PRMT3: variants seen among roughly 807,000 people sequenced by gnomAD.
The protein encoded by PRMT3 is protein arginine N-methyltransferase 3.
Under a neutral mutation model 71.9 loss-of-function variants are expected in PRMT3, and 62 were observed. The observed-to-expected ratio is 0.86, with a 90% CI of 0.70 to 1.07. The LOEUF is 1.07. Among genes scored for constraint, PRMT3 ranks in the 50% least tolerant of loss-of-function variants. The pLI, the probability that PRMT3 is intolerant of heterozygous loss-of-function variation, is 0.00. For synonymous variants in PRMT3, 213 were observed against 220.4 expected (o/e 0.97, Z 0.30); for missense variants, 663 against 643.0 (o/e 1.03, Z -0.34).
At chr11:20,424,054 G>T (rs1300018404) in intron 9 of PRMT3, among the ~76,000 whole-genome samples, 1 of 151,448 alleles carries the variant, frequency 6.6e-6, no homozygotes, top group East Asian at 1.9e-4. Context: ...TGTGGTGGCG[G>T]GCGCCTGTAG....
intron 10 of PRMT3, among the ~76,000 whole-genome samples, chr11:20,431,667 T>C (rs1252431237): frequency 6.6e-6 from 1 of 152,176 alleles, no homozygotes; most frequent in African/African-American, 2.4e-5. Flanking sequence ...CATTTACTAA[T>C]TGACTGTCTG....
chr11:20,456,330 CAG>C, intron 11 of PRMT3, among the ~76,000 whole-genome samples: 1 of 152,262 alleles, frequency 6.6e-6, no homozygotes, highest in Non-Finnish European at 1.5e-5. Flanking sequence ...CAAGGTCACA[CAG>C]AATTTTCCTT....
intron 11 of PRMT3, 79 bp downstream of exon 11, chr11:20,452,287 A>G (rs1224373977): frequency 2.6e-6 from 3 of 1,155,498 alleles, no homozygotes; most frequent in Admixed American, 3.7e-5. Flanking sequence ...CAAATAAACT[A>G]TGCATGGCTG....
At chr11:20,408,414 A>G (rs149773577) in intron 9 of PRMT3, among the ~76,000 whole-genome samples, 109 of 152,270 alleles carry the variant, frequency 7.2e-4, no homozygotes, top group African/African-American at 2.5e-3. Flanking sequence ...AATACCAGTT[A>G]TACTAAAGAC....
Position 20,395,981 on chromosome 11 carries a change from A to G in PRMT3, c.560+19A>G, listed in dbSNP as rs747659421. On this transcript the variant is annotated intron_variant, in intron 6 of 15. Transcript: ENST00000331079. ...AAATGAAGTAATTTATCAATCTTGC[A>G]AAATTAATTGTTTTAGATCTCCAGA... The G allele has an allele frequency of 2.5e-6, 4 of 1,610,950 alleles. No homozygotes were observed. Among genetic ancestry groups the G allele is most frequent in the Non-Finnish European group, 3.4e-6 (4 of 1,178,600 alleles).
chr11:20,417,394 A>G (rs1849330884), intron 9 of PRMT3, among the ~76,000 whole-genome samples: 1 of 152,174 alleles, frequency 6.6e-6, no homozygotes, highest in Non-Finnish European at 1.5e-5. Flanking sequence ...GCTATCATCC[A>G]TATATTCTAG....
At chr11:20,494,593 T>C (rs1294225826) in intron 15 of PRMT3, among the ~76,000 whole-genome samples, 1 of 152,190 alleles carries the variant, frequency 6.6e-6, no homozygotes, top group Admixed American at 6.5e-5. Flanking sequence ...CCCAAAGTGC[T>C]GGGATTGCAG....
Position 20,397,580 on chromosome 11 carries a change from A to G in PRMT3, c.564A>G (p.Gln188=), listed in dbSNP as rs747641099. 17 of 1,613,820 alleles carry G rather than the reference A, an allele frequency of 1.1e-5. No individual in the cohort carries two copies. The highest frequency in any genetic ancestry group is 1.4e-5 in the Non-Finnish European group (17 of 1,179,952). The part of the protein sequence containing the change: ...RAREDLQKMK[Q]FAQDFVMHTD... ...GTGTATTTCAAATTGATTACAGACA[A>G]TTTGCTCAGGATTTTGTGATGCACA... is the stretch of plus-strand genomic sequence containing the variant. Residue 188 remains glutamine (Q), a synonymous_variant, in exon 7 of 16, where the codon CAA becomes CAG. Coordinates refer to ENST00000331079, the MANE Select transcript of PRMT3 (RefSeq NM_005788.4).
At chr11:20,488,311 C>CATCTCCTT (rs1565235484) in intron 13 of PRMT3, among the ~76,000 whole-genome samples, 4 of 152,084 alleles carry the variant, frequency 2.6e-5, no homozygotes, top group African/African-American at 9.7e-5. Flanking sequence ...TTTGTATTTT[C>CATCTCCTT]ATCTCCTTGG....
chr11:20,503,454 ATAGATT>A (rs150472510), intron 15 of PRMT3, among the ~76,000 whole-genome samples: 1 of 152,292 alleles, frequency 6.6e-6, no homozygotes, highest in Non-Finnish European at 1.5e-5. Flanking sequence ...CTGTGGAAAT[ATAGATT>A]ATTTCCATCA....
At chr11:20,404,784 G>A (rs1217837990) in intron 8 of PRMT3, among the ~76,000 whole-genome samples, 1 of 152,164 alleles carries the variant, frequency 6.6e-6, no homozygotes, top group African/African-American at 2.4e-5. Context: ...ATCTCTTTGG[G>A]CCTAACCTGT....
intron 15 of PRMT3, among the ~76,000 whole-genome samples, chr11:20,504,929 T>C (rs935495390): frequency 5.3e-5 from 8 of 152,224 alleles, no homozygotes; most frequent in Admixed American, 3.3e-4. Flanking sequence ...GACAGAGTTT[T>C]GCCAGGTTGG....
In PRMT3 at chr11:20,452,203, G is replaced by T. The variant is rs762915485; in HGVS notation, c.1067G>T (p.Gly356Val). 2 of 1,599,014 alleles carry T rather than the reference G, an allele frequency of 1.3e-6. No individual in the cohort carries two copies. The highest frequency in any genetic ancestry group is 1.7e-6 in the Non-Finnish European group (2 of 1,166,816). Residue 356 changes from glycine to valine, a missense_variant, in exon 11 of 16, where the codon GGC becomes GTC. By Grantham distance (109) the Gly-to-Val change is moderately radical (BLOSUM62 -3). Transcript: ENST00000331079. ...YAKNKYLAKG[G>V]SVYPDICTIS... The stretch of plus-strand genomic sequence containing the variant: ...AAGAACAAATACTTGGCAAAAGGAG[G>T]CTCGGGTGAGTATAAAATTCTGGTT...
intron 13 of PRMT3, among the ~76,000 whole-genome samples, chr11:20,474,165 G>A (rs1850721373): frequency 6.6e-6 from 1 of 152,174 alleles, no homozygotes; most frequent in Admixed American, 6.5e-5. Flanking sequence ...TAGCAGGAGT[G>A]GGATCAGGGA....
At chr11:20,415,645 T>C (rs980408649) in intron 9 of PRMT3, among the ~76,000 whole-genome samples, 5 of 150,624 alleles carry the variant, frequency 3.3e-5, no homozygotes, top group Admixed American at 6.7e-5. Context: ...AGACTGTAGT[T>C]CTCAAAGCTA....
chr11:20,441,529 G>A (rs965130969), intron 10 of PRMT3, among the ~76,000 whole-genome samples: 1 of 151,514 alleles, frequency 6.6e-6, no homozygotes. Context: ...GGATGGTCTC[G>A]ATCTCCTGAC....
intron 13 of PRMT3, among the ~76,000 whole-genome samples, chr11:20,470,971 G>A (rs1220176822): frequency 3.3e-5 from 5 of 151,912 alleles, no homozygotes; most frequent in East Asian, 1.9e-4. Flanking sequence ...TTTGATTTAC[G>A]TTTCTCTAAT....
intron 13 of PRMT3, among the ~76,000 whole-genome samples, chr11:20,476,116 G>A (rs1346846083): frequency 2.6e-5 from 4 of 151,870 alleles, no homozygotes; most frequent in African/African-American, 7.3e-5. Context: ...TTGGGAGGCC[G>A]AGGCGAGTGG....
chr11:20,393,137 A>G, intron 5 of PRMT3, 138 bp downstream of exon 5: 3 of 645,260 alleles, frequency 4.6e-6, no homozygotes, highest in South Asian at 2.0e-5. Flanking sequence ...GTTTCAGTAG[A>G]AAAGTTAAGT....
Sources: allele counts gnomAD v4.1 joint callset (sites outside exome capture counted in the v4.1 genomes callset), GRCh38; gene constraint gnomAD v4.1.1; transcripts MANE v1.5; gene names NCBI Gene and HGNC (gene_info 2026-07-23, HGNC 2026-07-21).